CLIP1: variants seen among roughly 807,000 people sequenced by gnomAD.
CLIP1 encodes CAP-Gly domain-containing linker protein 1.
A neutral mutation model predicts 161.6 loss-of-function variants in CLIP1; 66 were observed. The observed-to-expected ratio is 0.41, with a 90% confidence interval of 0.33 to 0.50. CLIP1 has a LOEUF of 0.50. Ranked by LOEUF, CLIP1 falls within the 20% of genes least tolerant of loss-of-function variation. The probability of loss-of-function intolerance (pLI) is 0.27; values close to 1 mark genes in which losing one functional copy is unlikely to be tolerated. For synonymous variants in CLIP1, 598 were observed against 626.2 expected (o/e 0.96, Z 0.67); for missense variants, 1,376 against 1,702.0 (o/e 0.81, Z 3.37).
rs561599402 is a variant in CLIP1, at chr12:122,321,238, A to G, written c.3250-1890T>C. The stretch of plus-strand genomic sequence containing the variant: ...ACTATATTTCAATATGTGCCAATTT[A>G]TTGCTTTTTTTTTTTTTCCCTTGAG... On this transcript the variant is annotated intron_variant, in intron 17 of 25. Coordinates refer to ENST00000620786, the MANE Select transcript of CLIP1 (RefSeq NM_001247997.2). Among the ~76,000 whole-genome samples, 7 of 151,088 alleles carry G rather than the reference A, an allele frequency of 4.6e-5. No homozygotes were observed. In the South Asian group the frequency reaches 1.5e-3, roughly 32 times the overall value.
At chr12:122,334,864 TG>T (rs1952142740) in intron 12 of CLIP1, among the ~76,000 whole-genome samples, 159 bp from the exon 13 acceptor site, 1 of 152,212 alleles carries the variant, frequency 6.6e-6, no homozygotes, top group African/African-American at 2.4e-5. Context: ...TTACTACATG[TG>T]GGTCATAAAC....
chr12:122,388,538 C>G (rs184183142), intron 1 of CLIP1, among the ~76,000 whole-genome samples: 154 of 151,972 alleles, frequency 1.0e-3, no homozygotes, highest in African/African-American at 3.6e-3. Context: ...TTTTAACAAG[C>G]CTTCAGGCTA....
chr12:122,301,653 G>A (rs368671390), intron 20 of CLIP1, among the ~76,000 whole-genome samples: 2 of 152,146 alleles, frequency 1.3e-5, no homozygotes, highest in African/African-American at 4.8e-5. Flanking sequence ...CAGCCTGGGC[G>A]ACAGAATCAG....
intron 1 of CLIP1, among the ~76,000 whole-genome samples, chr12:122,384,527 T>C (rs1593213623): frequency 6.6e-6 from 1 of 152,142 alleles, no homozygotes; most frequent in Non-Finnish European, 1.5e-5. Flanking sequence ...TTTGGAAGGC[T>C]GAGGTGGGCG....
chr12:122,361,264 C>T, intron 4 of CLIP1, 83 bp from the exon 5 acceptor site: 1 of 1,183,596 alleles, frequency 8.4e-7, no homozygotes, highest in Non-Finnish European at 1.2e-6. Flanking sequence ...CTCCCAACTC[C>T]TAACTTACGG....
In CLIP1 at chr12:122,283,728, G is replaced by A. The variant is rs527509622; in HGVS notation, c.3648-4583C>T. ...CCCAAAGCACTGGGATTACAGGCGT[G>A]ACCCACCGCACCCAGCCGGATTCTA... On this transcript the variant is annotated intron_variant, in intron 21 of 25. Coordinates refer to ENST00000620786, the MANE Select transcript of CLIP1 (RefSeq NM_001247997.2). 2.6e-5 allele frequency among the ~76,000 whole-genome samples: 4 copies of A among 152,156 alleles called. No individual in the cohort carries two copies. In the East Asian group the frequency reaches 7.7e-4, roughly 29 times the overall value.
intron 17 of CLIP1, among the ~76,000 whole-genome samples, chr12:122,321,192 T>C (rs1011248367): frequency 3.4e-4 from 51 of 151,704 alleles, no homozygotes; most frequent in African/African-American, 1.2e-3. Context: ...CACAATGAAA[T>C]AGTTAAAAGC....
intron 1 of CLIP1, chr12:122,395,898 T>G (rs1282793132): frequency 6.6e-6 from 1 of 152,142 alleles, no homozygotes; most frequent in Non-Finnish European, 1.5e-5. Flanking sequence ...GATCATGAGG[T>G]CAAGAGATAG....
At chr12:122,277,118 CCTAA>C (rs1405020070) in intron 24 of CLIP1, 1 of 154,000 alleles carries the variant, frequency 6.5e-6, no homozygotes, top group Non-Finnish European at 1.4e-5. Flanking sequence ...TGGCGCCATG[CCTAA>C]CTAATTTTAT....
At chr12:122,294,096 A>G (rs1013443677) in intron 20 of CLIP1, among the ~76,000 whole-genome samples, 2 of 151,776 alleles carry the variant, frequency 1.3e-5, no homozygotes, top group Non-Finnish European at 2.9e-5. Context: ...TGGGAGGCCG[A>G]GGCGGGCGGA....
intron 19 of CLIP1, among the ~76,000 whole-genome samples, chr12:122,314,691 A>G (rs1488174255): frequency 1.3e-5 from 2 of 152,148 alleles, no homozygotes; most frequent in Non-Finnish European, 2.9e-5. Flanking sequence ...TGCCCATGGG[A>G]CACAATGCAG....
At chr12:122,386,842 AG>A (rs1416129738) in intron 1 of CLIP1, among the ~76,000 whole-genome samples, 15 of 109,544 alleles carry the variant, frequency 1.4e-4, no homozygotes, top group Non-Finnish European at 2.3e-4. Flanking sequence ...AAAAAAAAAG[AG>A]AGAGAGATTC....
intron 20 of CLIP1, among the ~76,000 whole-genome samples, chr12:122,299,432 A>C (rs1482556852): frequency 6.6e-6 from 1 of 152,006 alleles, no homozygotes; most frequent in Non-Finnish European, 1.5e-5. Flanking sequence ...CCATTTCCTA[A>C]ACGTAATAAT....
At chr12:122,329,348 G>A (rs563698624) in intron 15 of CLIP1, among the ~76,000 whole-genome samples, 72 of 150,544 alleles carry the variant, frequency 4.8e-4, no homozygotes, top group African/African-American at 1.6e-3. Context: ...AATAAAGGAG[G>A]CCAGGCACGG....
At chr12:122,305,503 G>A (rs1950832239) in intron 20 of CLIP1, among the ~76,000 whole-genome samples, 1 of 152,144 alleles carries the variant, frequency 6.6e-6, no homozygotes, top group South Asian at 2.1e-4. Flanking sequence ...AATTTACACT[G>A]TATGCTTCTA....
chr12:122,314,068 G>A (rs948618242), intron 19 of CLIP1, among the ~76,000 whole-genome samples: 40 of 152,222 alleles, frequency 2.6e-4, no homozygotes, highest in East Asian at 1.9e-4. Context: ...TGAGGCAGGC[G>A]GATCACAAGG....
chr12:122,372,021 C>T (rs1954475265), intron 3 of CLIP1, among the ~76,000 whole-genome samples: 1 of 152,126 alleles, frequency 6.6e-6, no homozygotes, highest in Non-Finnish European at 1.5e-5. Flanking sequence ...GTGGCTCACG[C>T]CTGTAATCCC....
At chr12:122,329,935 T>C (rs139253296) in intron 15 of CLIP1, among the ~76,000 whole-genome samples, 2,611 of 152,030 alleles carry the variant, frequency 0.017, 37 homozygotes, top group Non-Finnish European at 0.026. Flanking sequence ...CTGACCAACA[T>C]AGAGAAACCC....
At chr12:122,400,304 CA>C (rs1956097904) in intron 1 of CLIP1, 1 of 150,204 alleles carries the variant, frequency 6.7e-6, no homozygotes, top group Non-Finnish European at 1.5e-5. Context: ...TTGAGTAAAA[CA>C]AAAAAGTCAA....
Sources: allele counts gnomAD v4.1 joint callset (sites outside exome capture counted in the v4.1 genomes callset), GRCh38; gene constraint gnomAD v4.1.1; transcripts MANE v1.5; gene names NCBI Gene and HGNC (gene_info 2026-07-23, HGNC 2026-07-21).